Variants in DYNC2H1 observed in about 807,000 individuals in gnomAD.
The protein encoded by DYNC2H1 is cytoplasmic dynein 2 heavy chain 1.
DYNC2H1 carries 410 observed loss-of-function variants against 570.0 expected under a neutral mutation model. The observed-to-expected ratio is 0.72, with a 90% confidence interval of 0.66 to 0.78. The LOEUF is 0.78. Ranked by LOEUF, DYNC2H1 falls within the 30% of genes least tolerant of loss-of-function variation. The pLI, the probability that DYNC2H1 is intolerant of heterozygous loss-of-function variation, is 0.00. For synonymous variants in DYNC2H1, 1,688 were observed against 1,677.6 expected (o/e 1.01, Z -0.15); for missense variants, 4,865 against 5,046.4 (o/e 0.96, Z 1.09).
rs1860819366 is a variant in DYNC2H1 at position 103,156,336 on chromosome 11, T to A, written c.3745-52T>A. On this transcript the variant is annotated intron_variant, in intron 25 of 88. Transcript: ENST00000375735. Reference sequence around the variant, plus strand: ...ATAAAATACTTTTCTATTAATTACTTATGTGAAAATTAATGTTGAAGTAAT... The same window carrying A: ...ATAAAATACTTTTCTATTAATTACTAATGTGAAAATTAATGTTGAAGTAAT... 1.7e-5 allele frequency: 25 copies of A among 1,481,234 alleles called. No individual in the cohort carries two copies. In the Middle Eastern group the frequency reaches 1.0e-3, roughly 62 times the overall value. 91.8% of individuals were successfully genotyped at this position (1,481,234 alleles called of 1,614,324 possible). A position where few individuals can be genotyped will look rare whatever the true frequency, so the allele number is the denominator to read the frequency against.
At chr11:103,345,977 A>G (rs562181014) in intron 82 of DYNC2H1, among the ~76,000 whole-genome samples, 1 of 152,308 alleles carries the variant, frequency 6.6e-6, no homozygotes, top group East Asian at 1.9e-4. Context: ...TGCTAGCTAC[A>G]TATTCACTTA....
chr11:103,463,927 AC>A (rs1293567678), intron 87 of DYNC2H1, among the ~76,000 whole-genome samples: 6 of 152,096 alleles, frequency 3.9e-5, no homozygotes, highest in Admixed American at 3.9e-4. Context: ...CCAGAACAGA[AC>A]CCCCAAACTG....
chr11:103,198,116 A>C, intron 48 of DYNC2H1, 53 bp downstream of exon 48: 2 of 1,508,174 alleles, frequency 1.3e-6, no homozygotes, highest in Non-Finnish European at 1.8e-6. Flanking sequence ...TAGTCTTTTA[A>C]AAATATTTAT....
At chr11:103,143,205 CTATTA>C (rs1317459413) in intron 17 of DYNC2H1, 58 bp from the exon 18 acceptor site, 35 of 1,537,082 alleles carry the variant, frequency 2.3e-5, no homozygotes, top group African/African-American at 8.3e-5. Flanking sequence ...GAATCCTATT[CTATTA>C]TATGTTAACA....
chr11:103,441,363 C>A (rs112322356), intron 85 of DYNC2H1, among the ~76,000 whole-genome samples: 3 of 151,476 alleles, frequency 2.0e-5, no homozygotes, highest in African/African-American at 7.3e-5. Context: ...CGCACTCCCC[C>A]CTCCAATACT....
intron 87 of DYNC2H1, among the ~76,000 whole-genome samples, chr11:103,462,142 C>T (rs1486553616): frequency 6.6e-6 from 1 of 152,018 alleles, no homozygotes; most frequent in Non-Finnish European, 1.5e-5. Context: ...AATCAGGTTC[C>T]ACCTTTCATT....
At position 103,252,374 on chromosome 11, in the gene DYNC2H1, A is replaced by G. The variant is rs1322844837; in HGVS notation, c.10043-911A>G. ...TATTTCCTTTGGGCATATACCCAGA[A>G]AAAAGATTGCTGGGTCATATGGTAG... On this transcript the variant is annotated intron_variant, in intron 65 of 88. Transcript: ENST00000375735. This position sits in a 1 kb window ranked among gnomAD's most constrained non-coding sequence, Gnocchi z 4.6. Among the ~76,000 whole-genome samples the G allele has an allele frequency of 2.0e-5, 3 of 152,180 alleles. No homozygotes were observed. The highest frequency in any genetic ancestry group is 7.2e-5 in the African/African-American group (3 of 41,444).
intron 84 of DYNC2H1, among the ~76,000 whole-genome samples, chr11:103,400,245 T>C (rs946800767): frequency 1.3e-5 from 2 of 152,184 alleles, no homozygotes; most frequent in Admixed American, 1.3e-4. Context: ...ACAAAAATCT[T>C]AGGATTTGCT....
chr11:103,188,450 G>A, intron 43 of DYNC2H1, 47 bp from the exon 44 acceptor site: 2 of 1,403,348 alleles, frequency 1.4e-6, no homozygotes, highest in East Asian at 2.4e-5. Flanking sequence ...ATCATGATTA[G>A]GAAATCTTAG....
intron 54 of DYNC2H1, among the ~76,000 whole-genome samples, chr11:103,213,960 A>C (rs531113416): frequency 1.3e-5 from 2 of 152,214 alleles, no homozygotes; most frequent in South Asian, 2.1e-4. Context: ...TTATAGTTCC[A>C]GGTCTTTTGT....
intron 75 of DYNC2H1, among the ~76,000 whole-genome samples, chr11:103,290,130 A>G (rs1356445741): frequency 6.6e-6 from 1 of 151,948 alleles, no homozygotes; most frequent in Non-Finnish European, 1.5e-5. Context: ...CAATGGCCCT[A>G]TTTTCAAAAA....
rs538346467 is a variant in DYNC2H1, at chr11:103,252,489, G to A, written c.10043-796G>A. 9.2e-5 allele frequency among the ~76,000 whole-genome samples: 14 copies of A among 151,982 alleles called. No individual in the cohort carries two copies. The highest frequency in any genetic ancestry group is 2.1e-4 in the South Asian group (1 of 4,802). ...TCCCACCAACAATTCCCTTTTCTCCGTATCTTCATCAACATTTGTTATCTC... is the reference window on the plus strand; with the variant it reads ...TCCCACCAACAATTCCCTTTTCTCCATATCTTCATCAACATTTGTTATCTC... On this transcript the variant is annotated intron_variant, in intron 65 of 88. Coordinates refer to ENST00000375735, the MANE Select transcript of DYNC2H1 (RefSeq NM_001377.3). This position sits in a 1 kb window ranked among gnomAD's most constrained non-coding sequence, Gnocchi z 4.6.
chr11:103,302,173 T>A (rs1867074958), intron 75 of DYNC2H1, among the ~76,000 whole-genome samples: 1 of 152,032 alleles, frequency 6.6e-6, no homozygotes, highest in Admixed American at 6.6e-5. Flanking sequence ...ACAGATGAAT[T>A]GTTTAAATAT....
chr11:103,456,206 T>A (rs1944780905), intron 86 of DYNC2H1, 69 bp from the exon 87 acceptor site: 3 of 1,200,220 alleles, frequency 2.5e-6, no homozygotes, highest in Admixed American at 4.4e-5. Context: ...GGACTATATC[T>A]TCAGTTACTC....
intron 47 of DYNC2H1, among the ~76,000 whole-genome samples, chr11:103,196,429 A>G (rs1186526502): frequency 6.6e-6 from 1 of 152,218 alleles, no homozygotes; most frequent in Admixed American, 6.5e-5. Context: ...TACCTTGTTT[A>G]AACACAGGTG....
Position 103,282,210 on chromosome 11 carries a change from G to C in DYNC2H1, c.10793G>C (p.Gly3598Ala). The C allele has an allele frequency of 6.2e-7, 1 of 1,608,112 alleles. No individual in the cohort carries two copies. The highest frequency in any genetic ancestry group is 8.5e-7 in the Non-Finnish European group (1 of 1,177,444). The change falls in exon 72 of 89, where the codon GGA (glycine) becomes GCA (alanine). Residue 3598 changes from glycine to alanine, a missense_variant. This residue lies in a region of DYNC2H1 where 2,401 missense variants were observed against 2,454.6 expected (regional missense o/e 0.98). Transcript: ENST00000375735. ...EWDTFTGVVVGDMLRKADSQQ... is the reference protein window; with the variant it reads ...EWDTFTGVVVADMLRKADSQQ... ...GATACGTTTACAGGTGTGGTTGTTGGAGACATGTTACGGAAAGCTGTAAGT... is the reference window on the plus strand; with the variant it reads ...GATACGTTTACAGGTGTGGTTGTTGCAGACATGTTACGGAAAGCTGTAAGT...
At chr11:103,410,428 G>C (rs965743524) in intron 84 of DYNC2H1, among the ~76,000 whole-genome samples, 1 of 152,042 alleles carries the variant, frequency 6.6e-6, no homozygotes, top group Non-Finnish European at 1.5e-5. Flanking sequence ...AACCTTTTTA[G>C]GGTTTGCTGA....
Position 103,170,838 on chromosome 11 carries a change from G to T in DYNC2H1, c.5152-48G>T, listed in dbSNP as rs1274238565. The stretch of plus-strand genomic sequence containing the variant: ...ACATTAAATATTAAGTAGTTATGGA[G>T]ATTTTGATTATTTTTTAATGACTAT... On this transcript the variant is annotated intron_variant, in intron 33 of 88. Transcript: ENST00000375735. The surrounding 1 kb of genome is among the most constrained non-coding windows in gnomAD (Gnocchi z 4.8). 1.5e-6 allele frequency: 2 copies of T among 1,359,828 alleles called. No individual in the cohort carries two copies. Among genetic ancestry groups the T allele is most frequent in the Non-Finnish European group, 1.9e-6 (2 of 1,037,906 alleles). 84.2% of individuals were successfully genotyped at this position (1,359,828 alleles called of 1,614,324 possible). A position where few individuals can be genotyped will look rare whatever the true frequency, so the allele number is the denominator to read the frequency against.
rs561669863 is a variant in DYNC2H1 at position 103,429,685 on chromosome 11, A to G, written c.12367-6258A>G. ...CTGAAATATAAATTTCTAATTATGTATGTTTGTGAAATAGGTTTTAGTTAT... is the reference window on the plus strand; with the variant it reads ...CTGAAATATAAATTTCTAATTATGTGTGTTTGTGAAATAGGTTTTAGTTAT... On this transcript the variant is annotated intron_variant, in intron 84 of 88. Transcript: ENST00000375735. Among the ~76,000 whole-genome samples, 304 of 152,326 alleles carry G rather than the reference A, an allele frequency of 2.0e-3. 3 individuals carry two copies. The highest frequency in any genetic ancestry group is 6.6e-3 in the African/African-American group (274 of 41,576).
Sources: allele counts gnomAD v4.1 joint callset (sites outside exome capture counted in the v4.1 genomes callset), GRCh38; gene constraint gnomAD v4.1.1; regional missense constraint gnomAD v4.1.1; non-coding constraint Gnocchi (gnomAD v3.1); transcripts MANE v1.5; gene names NCBI Gene and HGNC (gene_info 2026-07-23, HGNC 2026-07-21).